Variants in SLC4A10 observed in about 807,000 individuals in gnomAD.
SLC4A10 encodes the protein sodium-driven chloride bicarbonate exchanger.
In SLC4A10, 42 loss-of-function variants were observed where a neutral mutation model predicts 137.7. That is an observed-to-expected ratio of 0.30 (90% CI 0.24 to 0.39). SLC4A10 has a LOEUF of 0.39. SLC4A10 is among the 10% of genes least tolerant of loss of function. The pLI, the probability that SLC4A10 is intolerant of heterozygous loss-of-function variation, is 1.00. For missense variants in SLC4A10, 925 were observed against 1,355.0 expected, an observed-to-expected ratio of 0.68 and a Z score of 4.98; for synonymous variants, 474 against 464.1, an observed-to-expected ratio of 1.02 and a Z score of -0.27.
At chr2:161,877,794 CT>C (rs1393166987) in intron 8 of SLC4A10, among the ~76,000 whole-genome samples, 1 of 151,796 alleles carries the variant, frequency 6.6e-6, no homozygotes, top group African/African-American at 2.4e-5. Context: ...GGCAGTTTTG[CT>C]TTGTTAAATC....
intron 1 of SLC4A10, among the ~76,000 whole-genome samples, chr2:161,690,693 A>G (rs1413982173): frequency 1.3e-5 from 2 of 152,234 alleles, no homozygotes; most frequent in African/African-American, 4.8e-5. Flanking sequence ...ACAGGAGCAG[A>G]AAACCAAACA....
At chr2:161,750,973 G>C (rs74854650) in intron 1 of SLC4A10, among the ~76,000 whole-genome samples, 1 of 151,574 alleles carries the variant, frequency 6.6e-6, no homozygotes, top group Non-Finnish European at 1.5e-5. Context: ...ACAACTTTCT[G>C]TGTACCTAGA....
chr2:161,822,852 G>C (rs944149653), intron 3 of SLC4A10, among the ~76,000 whole-genome samples: 1 of 152,088 alleles, frequency 6.6e-6, no homozygotes, highest in Non-Finnish European at 1.5e-5. Flanking sequence ...ATGCGCACCT[G>C]TAGTCCCAGC....
chr2:161,917,750 ATTATCTC>A (rs1485353139), intron 15 of SLC4A10, among the ~76,000 whole-genome samples: 1 of 152,160 alleles, frequency 6.6e-6, no homozygotes, highest in Non-Finnish European at 1.5e-5. Flanking sequence ...AATCTAATTT[ATTATCTC>A]TCTCCTCTCT....
chr2:161,910,337 A>T (rs1685531935), intron 15 of SLC4A10, among the ~76,000 whole-genome samples: 1 of 152,138 alleles, frequency 6.6e-6, no homozygotes, highest in South Asian at 2.1e-4. Flanking sequence ...AAGTGTCAAG[A>T]TCATCTATTT....
At chr2:161,888,827 T>A (rs1320986231) in intron 10 of SLC4A10, among the ~76,000 whole-genome samples, 2 of 152,160 alleles carry the variant, frequency 1.3e-5, no homozygotes, top group Non-Finnish European at 2.9e-5. Flanking sequence ...CTATGTTGGA[T>A]AGGAGTGGTG....
At chr2:161,673,987 C>T (rs2040016094) in intron 1 of SLC4A10, among the ~76,000 whole-genome samples, 1 of 145,400 alleles carries the variant, frequency 6.9e-6, no homozygotes, top group South Asian at 2.3e-4. Flanking sequence ...AAGACTCCAT[C>T]TCAAAACAAA....
intron 15 of SLC4A10, among the ~76,000 whole-genome samples, chr2:161,906,664 A>G (rs1249238301): frequency 6.6e-6 from 1 of 152,192 alleles, no homozygotes; most frequent in African/African-American, 2.4e-5. Context: ...CTCTGCATCA[A>G]CCACCAATCA....
At chr2:161,760,998 A>C (rs2050199041) in intron 1 of SLC4A10, among the ~76,000 whole-genome samples, 1 of 152,058 alleles carries the variant, frequency 6.6e-6, no homozygotes, top group Non-Finnish European at 1.5e-5. Flanking sequence ...TGCAATATAT[A>C]AATAATATTA....
chr2:161,912,859 G>A (rs1429769899), intron 15 of SLC4A10, among the ~76,000 whole-genome samples: 2 of 152,218 alleles, frequency 1.3e-5, no homozygotes, highest in South Asian at 4.1e-4. Flanking sequence ...AATCTAGAAA[G>A]TGAATCACAT....
intron 4 of SLC4A10, among the ~76,000 whole-genome samples, chr2:161,846,451 G>A (rs1300382632): frequency 1.3e-5 from 2 of 152,152 alleles, no homozygotes; most frequent in Non-Finnish European, 2.9e-5. Context: ...TTTACTATAT[G>A]ATCCAGCAAT....
chr2:161,810,860 G>A (rs1420110264), intron 3 of SLC4A10, among the ~76,000 whole-genome samples: 1 of 151,926 alleles, frequency 6.6e-6, no homozygotes, highest in Non-Finnish European at 1.5e-5. Flanking sequence ...TTGGTATAAG[G>A]ATGATGATGA....
intron 1 of SLC4A10, among the ~76,000 whole-genome samples, chr2:161,720,094 G>A (rs1191745343): frequency 6.6e-6 from 1 of 152,190 alleles, no homozygotes; most frequent in Non-Finnish European, 1.5e-5. Context: ...AAGGGATCCA[G>A]TTTCAACTTT....
In SLC4A10 at chr2:161,947,622, A is replaced by G. The variant is rs1461085751; in HGVS notation, c.2160A>G (p.Pro720=). ...GACGGGCCTGTGGCCATGATCACCC[A>G]TATGTTCCAGATGTTCTATTTTGGT... ...YVGRACGHDH[P]YVPDVLFWSV... Residue 720 remains proline (P), a synonymous_variant, in exon 17 of 27, where the codon CCA becomes CCG. Coordinates refer to ENST00000446997, the MANE Select transcript of SLC4A10 (RefSeq NM_001178015.2). The G allele has an allele frequency of 6.2e-6, 10 of 1,613,140 alleles. No individual in the cohort carries two copies. Among genetic ancestry groups the G allele is most frequent in the Admixed American group, 3.3e-5 (2 of 59,926 alleles).
chr2:161,728,738 C>T (rs1000940581), intron 1 of SLC4A10, among the ~76,000 whole-genome samples: 2 of 152,102 alleles, frequency 1.3e-5, no homozygotes, highest in Admixed American at 6.6e-5. Context: ...ATACCAAAAT[C>T]ACACAAAGGC....
chr2:161,970,040 A>T (rs1698249845), intron 23 of SLC4A10, among the ~76,000 whole-genome samples: 1 of 152,206 alleles, frequency 6.6e-6, no homozygotes, highest in African/African-American at 2.4e-5. Flanking sequence ...AGACCTACTG[A>T]ATCAAAACTC....
At chr2:161,882,536 C>A in intron 10 of SLC4A10, 92 bp downstream of exon 10, 1 of 711,950 alleles carries the variant, frequency 1.4e-6, no homozygotes, top group Non-Finnish European at 2.2e-6. Context: ...TGTTGTGAAT[C>A]AGATTTCTCT....
intron 15 of SLC4A10, among the ~76,000 whole-genome samples, chr2:161,918,026 C>T (rs764369450): frequency 1.3e-5 from 2 of 152,156 alleles, no homozygotes; most frequent in African/African-American, 4.8e-5. Context: ...CACTGCACTG[C>T]GTTGTGGGTC....
chr2:161,849,035 G>T (rs2059664589), intron 4 of SLC4A10, among the ~76,000 whole-genome samples: 1 of 152,096 alleles, frequency 6.6e-6, no homozygotes, highest in African/African-American at 2.4e-5. Flanking sequence ...CTATCCATGA[G>T]CATGGAATGT....
Sources: gnomAD v4.1 joint callset for allele counts (sites outside exome capture counted in the v4.1 genomes callset) on GRCh38, gnomAD v4.1.1 for gene constraint, MANE v1.5 for transcripts, NCBI Gene and HGNC (gene_info 2026-07-23, HGNC 2026-07-21) for gene names.